Variants in TUBA4B observed in about 807,000 individuals in gnomAD.
TUBA4B encodes the protein tubulin alpha 4b, also known as tubulin-like protein alpha-4B.
A neutral mutation model predicts 18.4 loss-of-function variants in TUBA4B; 13 were observed. That is an observed-to-expected ratio of 0.71 (90% CI 0.46 to 1.12). The LOEUF (loss-of-function observed/expected upper bound fraction) is 1.12. Ranked by LOEUF, TUBA4B falls within the 50% of genes most tolerant of loss-of-function variation. TUBA4B has a pLI of 0.00. For synonymous variants in TUBA4B, 101 were observed against 99.1 expected (o/e 1.02, Z -0.11); for missense variants, 244 against 250.0 (o/e 0.98, Z 0.16).
At chr2:219,262,540 T>A (rs1951765863) in intron 1 of TUBA4B, among the ~76,000 whole-genome samples, 1 of 152,168 alleles carries the variant, frequency 6.6e-6, no homozygotes, top group South Asian at 2.1e-4. Context: ...AGGGTCTTAC[T>A]GTGTCACCCA....
At chr2:219,261,947 TTCTG>T (rs749205704) in intron 1 of TUBA4B, among the ~76,000 whole-genome samples, 1 of 152,234 alleles carries the variant, frequency 6.6e-6, no homozygotes, top group South Asian at 2.1e-4. Context: ...GCACTTATTA[TTCTG>T]TCTGTCTGGA....
chr2:219,268,335 T>C (rs1354202777), intron 2 of TUBA4B, among the ~76,000 whole-genome samples: 1 of 152,086 alleles, frequency 6.6e-6, no homozygotes, highest in Non-Finnish European at 1.5e-5. Flanking sequence ...CCTCAAGTGA[T>C]CCACCTGCCT....
intron 1 of TUBA4B, among the ~76,000 whole-genome samples, chr2:219,257,986 T>G (rs1010039021): frequency 0.012 from 1,608 of 133,052 alleles, 21 homozygotes; most frequent in East Asian, 0.081. Flanking sequence ...TTTGGGTGTT[T>G]TTTTTTTTTT....
rs757271709 is a variant in TUBA4B at position 219,270,267 on chromosome 2, T to A, written c.124T>A (p.Tyr42Asn). The change falls in exon 3 of 4, where the codon TAT becomes AAT. Residue 42 changes from tyrosine (Y) to asparagine (N), a missense_variant. Coordinates refer to ENST00000490341, the MANE Select transcript of TUBA4B (RefSeq NM_001355221.1). ...ITGKEDAANN[Y>N]AWGHYTIGKE... The stretch of plus-strand genomic sequence containing the variant: ...AGGCAAGGAAGATGCTGCCAATAAC[T>A]ATGCCTGGGGCCACTACACCATTGG... 1.3e-6 allele frequency: 1 copy of A among 769,430 alleles called. No homozygotes were observed. Among genetic ancestry groups the A allele is most frequent in the Non-Finnish European group, 2.4e-6 (1 of 414,226 alleles). 47.7% of individuals were successfully genotyped at this position (769,430 alleles called of 1,614,324 possible). A position where few individuals can be genotyped will look rare whatever the true frequency, so the allele number is the denominator to read the frequency against.
At chr2:219,265,385 C>T (rs1353380742) in intron 1 of TUBA4B, among the ~76,000 whole-genome samples, 1 of 152,140 alleles carries the variant, frequency 6.6e-6, no homozygotes, top group Non-Finnish European at 1.5e-5. Context: ...GCCTGTAATC[C>T]CAGCACTTTG....
Position 219,272,066 on chromosome 2 carries a change from T to A in TUBA4B, c.*367T>A. 3 of 1,148,148 alleles carry A rather than the reference T, an allele frequency of 2.6e-6. No individual in the cohort carries two copies. The highest frequency in any genetic ancestry group is 3.9e-6 in the Non-Finnish European group (3 of 778,300). 71.1% of individuals were successfully genotyped at this position (1,148,148 alleles called of 1,614,324 possible). ...TCTCCAAGGCCCATGAGGATATGAC[T>A]GCCCTGGAGAAGGATTACAAGGAGG... is the stretch of plus-strand genomic sequence containing the variant. On this transcript the variant is annotated 3_prime_UTR_variant, in exon 4 of 4. Coordinates refer to ENST00000490341, the MANE Select transcript of TUBA4B (RefSeq NM_001355221.1).
rs1051317128 is a variant in TUBA4B, at chr2:219,271,444, C to T, written c.471C>T (p.Asp157=). 9.9e-6 allele frequency: 16 copies of T among 1,614,074 alleles called. No homozygotes were observed. Among genetic ancestry groups the T allele is most frequent in the South Asian group, 7.7e-5 (7 of 91,086 alleles). Residue 157 remains aspartate (D), a synonymous_variant, in exon 4 of 4, where the codon GAC becomes GAT. Transcript: ENST00000490341. The stretch of plus-strand genomic sequence containing the variant: ...ATGACATCTGCCACTGCAACCTAGA[C>T]ATCGAGCGCCCAACCTACACCAACC... ...AIYDICHCNL[D]IERPTYTNLN... is the part of the protein sequence containing the mutation.
Position 219,271,939 on chromosome 2 carries a change from T to C in TUBA4B, c.*240T>C, listed in dbSNP as rs1407957004. ...TGCATGCTGAGCAACATGACAGCCA[T>C]CACTATGGCCTGGGCCCGCCTGGAC... On this transcript the variant is annotated 3_prime_UTR_variant, in exon 4 of 4. Coordinates refer to ENST00000490341, the MANE Select transcript of TUBA4B (RefSeq NM_001355221.1). 1 of 1,490,528 alleles carries C rather than the reference T, an allele frequency of 6.7e-7. No homozygotes were observed. Among genetic ancestry groups the C allele is most frequent in the Non-Finnish European group, 9.4e-7 (1 of 1,067,934 alleles). 92.3% of individuals were successfully genotyped at this position (1,490,528 alleles called of 1,614,324 possible). A position where few individuals can be genotyped will look rare whatever the true frequency, so the allele number is the denominator to read the frequency against.
At chr2:219,261,018 C>T (rs1574891411) in intron 1 of TUBA4B, among the ~76,000 whole-genome samples, 1 of 151,908 alleles carries the variant, frequency 6.6e-6, no homozygotes, top group South Asian at 2.1e-4. Context: ...TTTAGGATCA[C>T]TTTCCTCTCT....
At chr2:219,257,263 G>A (rs1252018862) in intron 1 of TUBA4B, among the ~76,000 whole-genome samples, 7 of 149,360 alleles carry the variant, frequency 4.7e-5, no homozygotes, top group African/African-American at 1.5e-4. Context: ...GGATGGTCTC[G>A]ATCTCCTGAC....
At chr2:219,255,976 T>G (rs895582628) in intron 1 of TUBA4B, among the ~76,000 whole-genome samples, 2 of 151,824 alleles carry the variant, frequency 1.3e-5, no homozygotes, top group Admixed American at 1.3e-4. Flanking sequence ...AAAAGAAAAC[T>G]GACAGGGGCG....
intron 1 of TUBA4B, chr2:219,253,934 G>T: frequency 6.6e-6 from 7 of 1,057,706 alleles, no homozygotes; most frequent in Non-Finnish European, 8.7e-6. Flanking sequence ...CTGCAGTGCC[G>T]CACCGCCCTT....
At chr2:219,254,743 C>T (rs1298096328) in intron 1 of TUBA4B, 2 of 152,308 alleles carry the variant, frequency 1.3e-5, no homozygotes, top group Non-Finnish European at 2.9e-5. Context: ...GAGCAAGTGA[C>T]TTAACCTCAC....
At chr2:219,253,530 A>G (rs1574887279) in intron 1 of TUBA4B, 111 bp downstream of exon 1, 1 of 960,660 alleles carries the variant, frequency 1.0e-6, no homozygotes, top group South Asian at 1.4e-5. Context: ...TTGCCCGCGG[A>G]AAGGACGGGG....
chr2:219,258,532 G>A (rs146935087), intron 1 of TUBA4B, among the ~76,000 whole-genome samples: 124 of 149,974 alleles, frequency 8.3e-4, no homozygotes, highest in Middle Eastern at 3.4e-3. Flanking sequence ...GTTTCACCAT[G>A]TTGCCCAGGC....
rs1553571369 is a variant in TUBA4B, at chr2:219,253,359, G to GC, written c.-49_-48insC. 1 of 1,531,968 alleles carries GC rather than the reference G, an allele frequency of 6.5e-7. No individual in the cohort carries two copies. Among genetic ancestry groups the GC allele is most frequent in the Admixed American group, 2.0e-5 (1 of 50,864 alleles). 94.9% of individuals were successfully genotyped at this position (1,531,968 alleles called of 1,614,324 possible). A position where few individuals can be genotyped will look rare whatever the true frequency, so the allele number is the denominator to read the frequency against. On this transcript the variant is annotated 5_prime_UTR_variant, in exon 1 of 4. Transcript: ENST00000490341. The stretch of plus-strand genomic sequence containing the variant: ...AGACGCGGGGTGCTGAGTCACGGGG[G>GC]GGGGGTGGTTCTGTGGATAGTTGGA...
At position 219,271,482 on chromosome 2, in the gene TUBA4B, T is replaced by C. The variant is rs1170052112; in HGVS notation, c.509T>C (p.Ile170Thr). Residue 170 changes from isoleucine (I) to threonine (T), a missense_variant, in exon 4 of 4, where the codon ATT becomes ACT. Ile to Thr is a moderately conservative substitution (Grantham distance 89, BLOSUM62 -1). Coordinates refer to ENST00000490341, the MANE Select transcript of TUBA4B (RefSeq NM_001355221.1). The part of the protein sequence containing the change: ...RPTYTNLNRL[I>T]SQIVSSITAS... ...ACCTACACCAACCTCAATCGCCTCA[T>C]TAGCCAAATTGTCTCCTCCATCACA... 6.2e-7 allele frequency: 1 copy of C among 1,614,052 alleles called. No homozygotes were observed. The highest frequency in any genetic ancestry group is 1.3e-5 in the African/African-American group (1 of 74,914).
Position 219,272,191 on chromosome 2 carries a change from T to G in TUBA4B, c.*492T>G. ...CCTACATAAAGTGCTGTGGCCTTAT[T>G]GTCTCACGAATGTCTTTTTCTCTGG... On this transcript the variant is annotated 3_prime_UTR_variant, in exon 4 of 4. Coordinates refer to ENST00000490341, the MANE Select transcript of TUBA4B (RefSeq NM_001355221.1). 2.1e-6 allele frequency: 1 copy of G among 477,768 alleles called. No homozygotes were observed. The highest frequency in any genetic ancestry group is 3.8e-6 in the Non-Finnish European group (1 of 261,498). 29.6% of individuals were successfully genotyped at this position (477,768 alleles called of 1,614,324 possible).
intron 1 of TUBA4B, among the ~76,000 whole-genome samples, chr2:219,257,043 C>T (rs376626265): frequency 1.9e-3 from 200 of 107,572 alleles, no homozygotes; most frequent in African/African-American, 6.0e-3. Flanking sequence ...CCCATTTTGG[C>T]TTTTTTTTTT....
Sources: allele counts gnomAD v4.1 joint callset (sites outside exome capture counted in the v4.1 genomes callset), GRCh38; gene constraint gnomAD v4.1.1; transcripts MANE v1.5; gene names NCBI Gene and HGNC (gene_info 2026-07-23, HGNC 2026-07-21).